Variants in FHIT observed in about 807,000 individuals in gnomAD.
FHIT encodes bis(5'-adenosyl)-triphosphatase.
FHIT carries 19 observed loss-of-function variants against 17.9 expected under a neutral mutation model. That is an observed-to-expected ratio of 1.06 (90% CI 0.74 to 1.56). The LOEUF is 1.56. FHIT is among the 40% of genes most tolerant of loss of function. The pLI is 0.00. For synonymous variants in FHIT, 81 were observed against 69.7 expected, an observed-to-expected ratio of 1.16 and a Z score of -0.81; for missense variants, 248 against 189.2, an observed-to-expected ratio of 1.31 and a Z score of -1.82.
intron 5 of FHIT, among the ~76,000 whole-genome samples, chr3:60,124,041 G>C (rs6773712): frequency 0.022 from 1,060 of 47,118 alleles, 9 homozygotes; most frequent in African/African-American, 0.039. Flanking sequence ...GAGAGAGAGA[G>C]AGAGAGAGAG....
intron 5 of FHIT, among the ~76,000 whole-genome samples, chr3:60,101,823 C>T (rs1704203557): frequency 6.6e-6 from 1 of 152,192 alleles, no homozygotes; most frequent in Non-Finnish European, 1.5e-5. Flanking sequence ...CCAGCGCTCT[C>T]CCACATGGAC....
At chr3:61,225,797 A>G (rs755836041) in intron 1 of FHIT, among the ~76,000 whole-genome samples, 1 of 152,188 alleles carries the variant, frequency 6.6e-6, no homozygotes, top group Non-Finnish European at 1.5e-5. Context: ...GTTTTCCATC[A>G]CCATGTTAGT....
chr3:60,603,973 T>C (rs114186161), intron 4 of FHIT, among the ~76,000 whole-genome samples: 232 of 152,218 alleles, frequency 1.5e-3, no homozygotes, highest in African/African-American at 5.2e-3. Flanking sequence ...GTAATAATAA[T>C]AATGGTGACG....
intron 5 of FHIT, among the ~76,000 whole-genome samples, chr3:60,244,739 T>C (rs1456358228): frequency 6.6e-6 from 1 of 152,150 alleles, no homozygotes; most frequent in African/African-American, 2.4e-5. Context: ...ACAAACATCT[T>C]GAATGGGACT....
rs747872012 is a variant in FHIT at position 60,262,834 on chromosome 3, T to C, written c.104-248682A>G. 3.8e-4 allele frequency among the ~76,000 whole-genome samples: 57 copies of C among 150,774 alleles called. 3 individuals are homozygous for C. Among genetic ancestry groups the C allele is most frequent in the East Asian group, 2.0e-4 (1 of 5,108 alleles). ...TAGGTACTTTATATGACTTAGTACA[T>C]ATAAAGTACAAAGAAAAAAAGATAA... On this transcript the variant is annotated intron_variant, in intron 5 of 9. Transcript: ENST00000492590.
At position 60,477,717 on chromosome 3, in the gene FHIT, C is replaced by A. The variant is rs369939383; in HGVS notation, c.103+59143G>T. 2.7e-4 allele frequency among the ~76,000 whole-genome samples: 41 copies of A among 152,248 alleles called. No homozygotes were observed. The East Asian group carries it at 3.7e-3, about 14-fold the overall frequency. ...ATCGGTATAGGCATGTAGATATAAACATGTATAGAACACAAACTTGCATTT... is the reference window on the plus strand; with the variant it reads ...ATCGGTATAGGCATGTAGATATAAAAATGTATAGAACACAAACTTGCATTT... On this transcript the variant is annotated intron_variant, in intron 5 of 9. Transcript: ENST00000492590.
intron 8 of FHIT, among the ~76,000 whole-genome samples, chr3:59,910,432 G>C (rs1241733863): frequency 6.6e-6 from 1 of 152,150 alleles, no homozygotes; most frequent in African/African-American, 2.4e-5. Flanking sequence ...TTTCCCTGTA[G>C]CTTAGTGATT....
intron 8 of FHIT, among the ~76,000 whole-genome samples, chr3:59,758,159 T>C (rs570197334): frequency 6.6e-6 from 1 of 152,324 alleles, no homozygotes; most frequent in South Asian, 2.1e-4. Flanking sequence ...GGACTTGGAC[T>C]GGGCTTAAAA....
chr3:61,068,331 T>G (rs2034684804), intron 2 of FHIT, among the ~76,000 whole-genome samples: 1 of 152,180 alleles, frequency 6.6e-6, no homozygotes, highest in Non-Finnish European at 1.5e-5. Context: ...TTATTGCCTG[T>G]CAGCTGAAGA....
At chr3:59,830,173 A>G (rs1701117396) in intron 8 of FHIT, among the ~76,000 whole-genome samples, 1 of 152,230 alleles carries the variant, frequency 6.6e-6, no homozygotes, top group African/African-American at 2.4e-5. Context: ...AGCTTAGTTT[A>G]CTGTGACAAT....
At chr3:60,473,783 TG>T (rs1043098161) in intron 5 of FHIT, among the ~76,000 whole-genome samples, 4 of 151,940 alleles carry the variant, frequency 2.6e-5, no homozygotes, top group African/African-American at 9.7e-5. Flanking sequence ...TAGCCAGGCG[TG>T]GCAGCATGCA....
intron 3 of FHIT, among the ~76,000 whole-genome samples, chr3:61,016,014 T>C (rs1342492114): frequency 1.3e-5 from 2 of 152,232 alleles, no homozygotes; most frequent in Admixed American, 6.5e-5. Context: ...AGATTTCTCC[T>C]TCACTAGGCT....
At chr3:61,103,798 C>T (rs1226158425) in intron 2 of FHIT, among the ~76,000 whole-genome samples, 1 of 151,982 alleles carries the variant, frequency 6.6e-6, no homozygotes, top group African/African-American at 2.4e-5. Context: ...GATTCCTTTG[C>T]CATTATGTAA....
intron 8 of FHIT, among the ~76,000 whole-genome samples, chr3:59,828,855 GT>G (rs1382766620): frequency 7.3e-5 from 11 of 151,670 alleles, no homozygotes; most frequent in African/African-American, 2.7e-4. Context: ...CTCTGTGTGT[GT>G]GTGTGTGTGT....
At chr3:60,789,154 GTGTA>G (rs373919004) in intron 4 of FHIT, among the ~76,000 whole-genome samples, 8,925 of 116,976 alleles carry the variant, frequency 0.076, 333 homozygotes, top group Admixed American at 0.13. Flanking sequence ...GTGTGTGTGT[GTGTA>G]TATATATATA....
In FHIT at chr3:60,707,082, G is replaced by C. The variant is rs183878081; in HGVS notation, c.-18+114837C>G. Reference sequence around the variant, plus strand: ...TACTTCAATATTCTACCCAGTTGCAGTGTGACTATGACAAAATATTTCTGT... The same window carrying C: ...TACTTCAATATTCTACCCAGTTGCACTGTGACTATGACAAAATATTTCTGT... On this transcript the variant is annotated intron_variant, in intron 4 of 9. Transcript: ENST00000492590. Among the ~76,000 whole-genome samples the C allele has an allele frequency of 1.1e-4, 16 of 152,310 alleles. 2 individuals carry two copies. The East Asian group carries it at 3.1e-3, about 29-fold the overall frequency.
intron 5 of FHIT, among the ~76,000 whole-genome samples, chr3:60,399,702 T>C (rs1576598002): frequency 6.6e-6 from 1 of 152,216 alleles, no homozygotes; most frequent in East Asian, 1.9e-4. Flanking sequence ...TAGACTATAA[T>C]AAACAAAAAT....
intron 5 of FHIT, among the ~76,000 whole-genome samples, chr3:60,271,825 A>C (rs536168584): frequency 6.6e-6 from 1 of 152,342 alleles, no homozygotes; most frequent in South Asian, 2.1e-4. Context: ...ACATCTGTGA[A>C]TGTATAAAAG....
At chr3:59,975,082 G>C (rs74995510) in intron 7 of FHIT, among the ~76,000 whole-genome samples, 15,728 of 152,038 alleles carry the variant, frequency 0.1, 908 homozygotes, top group Middle Eastern at 0.18. Context: ...TGCAAACTAA[G>C]AAGACAGAGA....
Sources: allele counts gnomAD v4.1 joint callset (sites outside exome capture counted in the v4.1 genomes callset), GRCh38; gene constraint gnomAD v4.1.1; transcripts MANE v1.5; gene names NCBI Gene and HGNC (gene_info 2026-07-23, HGNC 2026-07-21).